Variants in CSMD3 observed in about 807,000 individuals in gnomAD.
CSMD3 encodes CUB and Sushi multiple domains 3.
CSMD3 carries 177 observed loss-of-function variants against 435.2 expected under a neutral mutation model. That is an observed-to-expected ratio of 0.41 (90% confidence interval 0.36 to 0.46). The LOEUF (loss-of-function observed/expected upper bound fraction) is 0.46. Ranked by LOEUF, CSMD3 falls within the 20% of genes least tolerant of loss-of-function variation. The pLI is 0.34. For missense variants in CSMD3, 4,265 were observed against 4,504.6 expected (o/e 0.95, Z 1.52); for synonymous variants, 1,656 against 1,520.5 (o/e 1.09, Z -2.07).
At chr8:113,269,965 G>C (rs1485688842) in intron 3 of CSMD3, among the ~76,000 whole-genome samples, 2 of 151,404 alleles carry the variant, frequency 1.3e-5, no homozygotes, top group African/African-American at 4.9e-5. Flanking sequence ...TGACAAATGG[G>C]ATCTAATTAA....
rs1228037280 is a variant in CSMD3 at position 112,738,803 on chromosome 8, T to C, written c.1973-48753A>G. On this transcript the variant is annotated intron_variant, in intron 13 of 70. Coordinates refer to ENST00000297405, the MANE Select transcript of CSMD3 (RefSeq NM_198123.2). Reference sequence around the variant, plus strand: ...TGTCTAAAATAAAAAGCAATAACTTTATTTTAATGAATTTTATTTATTTTT... The same window carrying C: ...TGTCTAAAATAAAAAGCAATAACTTCATTTTAATGAATTTTATTTATTTTT... Among the ~76,000 whole-genome samples the C allele has an allele frequency of 3.3e-5, 5 of 151,780 alleles. No homozygotes were observed. In the Admixed American group the frequency reaches 3.3e-4, roughly 10 times the overall value.
At chr8:113,272,133 T>C (rs935292681) in intron 3 of CSMD3, among the ~76,000 whole-genome samples, 8 of 152,174 alleles carry the variant, frequency 5.3e-5, no homozygotes, top group African/African-American at 1.9e-4. Flanking sequence ...TATGGGCTCA[T>C]AGGTGCAAGC....
At chr8:112,892,486 C>T (rs1009505576) in intron 10 of CSMD3, among the ~76,000 whole-genome samples, 2 of 151,430 alleles carry the variant, frequency 1.3e-5, no homozygotes, top group South Asian at 2.1e-4. Flanking sequence ...ATGAGTCCTA[C>T]ATATATGAAG....
intron 3 of CSMD3, among the ~76,000 whole-genome samples, chr8:113,269,821 A>G (rs554495342): frequency 6.6e-6 from 1 of 152,180 alleles, no homozygotes; most frequent in Non-Finnish European, 1.5e-5. Context: ...TTCAATATGG[A>G]TTAAAGACTT....
chr8:113,315,628 A>AATATATATCAAATGTGTATTAAAT (rs1563689563), intron 1 of CSMD3, among the ~76,000 whole-genome samples: 1 of 143,114 alleles, frequency 7.0e-6, no homozygotes, highest in Non-Finnish European at 1.5e-5. Context: ...ATATATCACA[A>AATATATATCAAATGTGTATTAAAT]ATATATATCA....
At chr8:112,717,460 G>C (rs745405405) in intron 13 of CSMD3, among the ~76,000 whole-genome samples, 4 of 152,196 alleles carry the variant, frequency 2.6e-5, no homozygotes, top group Non-Finnish European at 5.9e-5. Context: ...TTACACTGTT[G>C]TTGGGAATGT....
chr8:112,752,771 C>A (rs554129660), intron 13 of CSMD3, among the ~76,000 whole-genome samples: 1 of 152,118 alleles, frequency 6.6e-6, no homozygotes, highest in African/African-American at 2.4e-5. Context: ...AGAGATGTAT[C>A]TTTATTATCT....
chr8:112,527,209 T>C (rs1012725708), intron 27 of CSMD3, among the ~76,000 whole-genome samples: 3 of 151,914 alleles, frequency 2.0e-5, no homozygotes, highest in Non-Finnish European at 4.4e-5. Flanking sequence ...AGCTATTTAC[T>C]AGTAGTCTAC....
chr8:112,602,366 G>A (rs2131422769), intron 22 of CSMD3, among the ~76,000 whole-genome samples: 1 of 152,196 alleles, frequency 6.6e-6, no homozygotes, highest in African/African-American at 2.4e-5. Context: ...AGGAGTCCGA[G>A]ACCAGCCTGG....
intron 4 of CSMD3, among the ~76,000 whole-genome samples, chr8:113,130,692 G>A (rs180726465): frequency 6.6e-6 from 1 of 152,288 alleles, no homozygotes; most frequent in East Asian, 1.9e-4. Context: ...AAGTGGAAGT[G>A]ACTTTGGAAC....
intron 3 of CSMD3, among the ~76,000 whole-genome samples, chr8:113,194,037 T>G (rs149450989): frequency 3.2e-4 from 48 of 151,252 alleles, no homozygotes; most frequent in African/African-American, 9.9e-4. Context: ...TTTCCATAAA[T>G]GGAAAAAATA....
intron 13 of CSMD3, among the ~76,000 whole-genome samples, chr8:112,703,724 C>G (rs2131887002): frequency 6.6e-6 from 1 of 152,186 alleles, no homozygotes; most frequent in South Asian, 2.1e-4. Flanking sequence ...ATTACCTCAG[C>G]AACGGGTTTA....
chr8:112,239,869 G>A (rs150185176), intron 66 of CSMD3, among the ~76,000 whole-genome samples: 10 of 151,808 alleles, frequency 6.6e-5, no homozygotes, highest in African/African-American at 1.9e-4. Context: ...TGTTTTGGGC[G>A]GTTGCCTGTT....
At chr8:112,337,323 A>T (rs1236975769) in intron 43 of CSMD3, among the ~76,000 whole-genome samples, 1 of 152,154 alleles carries the variant, frequency 6.6e-6, no homozygotes, top group Non-Finnish European at 1.5e-5. Context: ...CTAAAGTGTG[A>T]ATCAACTATT....
chr8:112,448,866 C>T (rs1372670468), intron 32 of CSMD3, among the ~76,000 whole-genome samples: 2 of 151,856 alleles, frequency 1.3e-5, no homozygotes, highest in Non-Finnish European at 2.9e-5. Context: ...TAATCCTTTA[C>T]CGCTCTTCAA....
intron 6 of CSMD3, among the ~76,000 whole-genome samples, chr8:113,004,777 C>T (rs1446003010): frequency 6.6e-6 from 1 of 151,602 alleles, no homozygotes; most frequent in Non-Finnish European, 1.5e-5. Context: ...TTTAAACTTG[C>T]TAATTAAAGT....
chr8:113,140,949 T>A (rs1163153032), intron 4 of CSMD3, among the ~76,000 whole-genome samples: 1 of 150,780 alleles, frequency 6.6e-6, no homozygotes, highest in Non-Finnish European at 1.5e-5. Context: ...GAAGGATTTT[T>A]AAAAAATCAA....
chr8:113,108,442 G>T (rs1219975687), intron 4 of CSMD3, among the ~76,000 whole-genome samples: 5 of 151,246 alleles, frequency 3.3e-5, no homozygotes, highest in Non-Finnish European at 7.4e-5. Flanking sequence ...AAAAAAAAAG[G>T]TTATGTATGT....
intron 46 of CSMD3, 61 bp downstream of exon 46, chr8:112,319,840 T>C: frequency 8.1e-7 from 1 of 1,242,136 alleles, no homozygotes. Flanking sequence ...TTTTGGCTTA[T>C]TTTTAAGCAA....
Sources: gnomAD v4.1 joint callset for allele counts (sites outside exome capture counted in the v4.1 genomes callset) on GRCh38, gnomAD v4.1.1 for gene constraint, MANE v1.5 for transcripts, NCBI Gene and HGNC (gene_info 2026-07-23, HGNC 2026-07-21) for gene names.